Variants in ACMSD observed in about 807,000 individuals in gnomAD.
ACMSD encodes the protein aminocarboxymuconate semialdehyde decarboxylase, also known as 2-amino-3-carboxymuconate-6-semialdehyde decarboxylase.
ACMSD carries 37 observed loss-of-function variants against 45.9 expected under a neutral mutation model. The ratio of observed to expected loss-of-function variants is 0.81; its 90% CI spans 0.62 to 1.06. The LOEUF (loss-of-function observed/expected upper bound fraction) is 1.06. ACMSD is among the 50% of genes least tolerant of loss of function. ACMSD has a pLI of 0.00. For synonymous variants in ACMSD, 138 were observed against 148.8 expected, an observed-to-expected ratio of 0.93 and a Z score of 0.53; for missense variants, 434 against 420.9, an observed-to-expected ratio of 1.03 and a Z score of -0.27.
At position 134,867,686 on chromosome 2, in the gene ACMSD, T is replaced by G. The variant is rs1559052249; in HGVS notation, c.580+14T>G. Reference sequence around the variant, plus strand: ...CTTGGCTTGTAGGTTTGTGTCTGTGTGGGGTCTGGAACAGAGGACCAACTC... The same window carrying G: ...CTTGGCTTGTAGGTTTGTGTCTGTGGGGGGTCTGGAACAGAGGACCAACTC... On this transcript the variant is annotated intron_variant, in intron 6 of 9. Coordinates refer to ENST00000356140, the MANE Select transcript of ACMSD (RefSeq NM_138326.3). 6.2e-7 allele frequency: 1 copy of G among 1,611,600 alleles called. No individual in the cohort carries two copies. The highest frequency in any genetic ancestry group is 8.5e-7 in the Non-Finnish European group (1 of 1,178,142).
At chr2:134,883,802 A>C (rs1165651746) in intron 8 of ACMSD, among the ~76,000 whole-genome samples, 2 of 152,140 alleles carry the variant, frequency 1.3e-5, no homozygotes, top group Non-Finnish European at 2.9e-5. Flanking sequence ...CCCAGCCAAA[A>C]AAGTATTTTA....
chr2:134,884,938 G>A (rs894875995), intron 8 of ACMSD, among the ~76,000 whole-genome samples: 1 of 151,680 alleles, frequency 6.6e-6, no homozygotes, highest in Non-Finnish European at 1.5e-5. Flanking sequence ...GCTCAAGCCA[G>A]TAATCCTAGC....
chr2:134,860,129 G>T (rs1410856880), intron 3 of ACMSD, among the ~76,000 whole-genome samples: 2 of 152,160 alleles, frequency 1.3e-5, no homozygotes, highest in African/African-American at 4.8e-5. Context: ...CAGGCATGCT[G>T]GCGCGTGCCT....
chr2:134,839,874 A>C (rs1686703740), intron 1 of ACMSD, among the ~76,000 whole-genome samples: 1 of 152,132 alleles, frequency 6.6e-6, no homozygotes, highest in Non-Finnish European at 1.5e-5. Flanking sequence ...TAGTTTACTG[A>C]AGTGTAAACC....
intron 8 of ACMSD, among the ~76,000 whole-genome samples, chr2:134,892,244 G>A (rs574952113): frequency 4.0e-5 from 6 of 151,720 alleles, no homozygotes; most frequent in Non-Finnish European, 7.4e-5. Context: ...TTAAAAAATC[G>A]GGTATAACTG....
chr2:134,889,778 C>T (rs574635619), intron 8 of ACMSD, among the ~76,000 whole-genome samples: 53 of 152,020 alleles, frequency 3.5e-4, no homozygotes, highest in Middle Eastern at 3.4e-3. Context: ...CATAAGGATA[C>T]AGGAGTCAAC....
At chr2:134,885,340 TTTATATATAATATATATTTACATATATA>T (rs1553515611) in intron 8 of ACMSD, among the ~76,000 whole-genome samples, 3 of 105,446 alleles carry the variant, frequency 2.8e-5, no homozygotes, top group African/African-American at 4.0e-5. Flanking sequence ...TAAATATATA[TTTATATATAATATATATTTACATATATA>T]TTATATATAA....
At chr2:134,901,699 A>C (rs1690509690) in intron 9 of ACMSD, 99 bp from the exon 10 acceptor site, 3 of 731,366 alleles carry the variant, frequency 4.1e-6, no homozygotes, top group Admixed American at 3.2e-5. Context: ...TTTTTCTCTC[A>C]TATTGGGGAG....
rs142080937 is a variant in ACMSD at position 134,886,901 on chromosome 2, G to A, written c.850-11440G>A. Among the ~76,000 whole-genome samples, 367 of 152,258 alleles carry A rather than the reference G, an allele frequency of 2.4e-3. 1 individual carries two copies. Among genetic ancestry groups the A allele is most frequent in the African/African-American group, 8.3e-3 (346 of 41,552 alleles). ...AATAAGTGGCTTTAGCAAGATTGCAGGACATAACGGCAATATTTTAAAAAT... is the reference window on the plus strand; with the variant it reads ...AATAAGTGGCTTTAGCAAGATTGCAAGACATAACGGCAATATTTTAAAAAT... On this transcript the variant is annotated intron_variant, in intron 8 of 9. Transcript: ENST00000356140.
At position 134,893,604 on chromosome 2, in the gene ACMSD, T is replaced by C. The variant is rs185914729; in HGVS notation, c.850-4737T>C. Among the ~76,000 whole-genome samples, 4 of 152,282 alleles carry C rather than the reference T, an allele frequency of 2.6e-5. No homozygotes were observed. The East Asian group carries it at 7.7e-4, about 29-fold the overall frequency. ...ATTTCTGCAATCACTCCACCCACCA[T>C]GTTGATGATTCCTATGATTCTATCC... On this transcript the variant is annotated intron_variant, in intron 8 of 9. Coordinates refer to ENST00000356140, the MANE Select transcript of ACMSD (RefSeq NM_138326.3).
chr2:134,886,484 G>A (rs142511255), intron 8 of ACMSD, among the ~76,000 whole-genome samples: 8,690 of 151,768 alleles, frequency 0.057, 385 homozygotes, highest in African/African-American at 0.12. Flanking sequence ...TCCTGACCTC[G>A]TGATCTGCCC....
At position 134,891,524 on chromosome 2, in the gene ACMSD, A is replaced by G. The variant is rs971279197; in HGVS notation, c.850-6817A>G. Among the ~76,000 whole-genome samples the G allele has an allele frequency of 2.0e-5, 3 of 152,328 alleles. No homozygotes were observed. The East Asian group carries it at 5.8e-4, about 29-fold the overall frequency. ...TGATCATCTGAGAAATGCAAATTAA[A>G]ACTACAATGAGATATCATCACATGC... is the stretch of plus-strand genomic sequence containing the variant. On this transcript the variant is annotated intron_variant, in intron 8 of 9. Transcript: ENST00000356140.
chr2:134,859,438 G>A, intron 3 of ACMSD, 81 bp downstream of exon 3: 3 of 1,363,254 alleles, frequency 2.2e-6, no homozygotes, highest in Non-Finnish European at 3.1e-6. Context: ...AACTTTATGT[G>A]ATGGTAACTT....
chr2:134,863,710 A>T, intron 5 of ACMSD, 79 bp downstream of exon 5: 8 of 1,447,238 alleles, frequency 5.5e-6, no homozygotes, highest in Non-Finnish European at 7.7e-6. Context: ...GGCAGGGAGG[A>T]GGTGAAGCGT....
At chr2:134,872,430 A>G (rs1413632260) in intron 7 of ACMSD, 39 bp from the exon 8 acceptor site, 1 of 1,612,724 alleles carries the variant, frequency 6.2e-7, no homozygotes, top group Middle Eastern at 1.7e-4. Context: ...AATCCTTTAC[A>G]ATCAACACTA....
chr2:134,852,316 T>C (rs966895343), intron 2 of ACMSD, among the ~76,000 whole-genome samples: 10 of 151,908 alleles, frequency 6.6e-5, no homozygotes, highest in African/African-American at 2.2e-4. Context: ...GGAGACTAGG[T>C]TGAAAGGGAG....
At chr2:134,867,251 G>A (rs1050959108) in intron 5 of ACMSD, 1 of 173,828 alleles carries the variant, frequency 5.8e-6, no homozygotes, top group Admixed American at 6.3e-5. Flanking sequence ...TGTGGGATTA[G>A]TCCTTGAGCA....
At chr2:134,871,854 A>G (rs1326457678) in intron 7 of ACMSD, among the ~76,000 whole-genome samples, 6 of 152,238 alleles carry the variant, frequency 3.9e-5, no homozygotes, top group African/African-American at 1.2e-4. Flanking sequence ...ATATGCCATC[A>G]TGACTCAGAT....
At chr2:134,856,606 C>T (rs1687588958) in intron 2 of ACMSD, among the ~76,000 whole-genome samples, 2 of 152,100 alleles carry the variant, frequency 1.3e-5, no homozygotes, top group South Asian at 2.1e-4. Flanking sequence ...TTTCTTATAC[C>T]TATTGGCCAT....
Sources: allele counts gnomAD v4.1 joint callset (sites outside exome capture counted in the v4.1 genomes callset), GRCh38; gene constraint gnomAD v4.1.1; transcripts MANE v1.5; gene names NCBI Gene and HGNC (gene_info 2026-07-23, HGNC 2026-07-21).